Variants in MAN1C1 observed in about 807,000 individuals in gnomAD.
The protein encoded by MAN1C1 is mannosidase alpha class 1C member 1.
In MAN1C1, 49 loss-of-function variants were observed where a neutral mutation model predicts 71.5. The observed-to-expected ratio is 0.69, with a 90% CI of 0.54 to 0.87. The LOEUF is 0.87. Among genes scored for constraint, MAN1C1 ranks in the 40% least tolerant of loss-of-function variants. The pLI is 0.00. For synonymous variants in MAN1C1, 352 were observed against 343.7 expected (o/e 1.02, Z -0.27); for missense variants, 743 against 835.0 (o/e 0.89, Z 1.36).
intron 1 of MAN1C1, among the ~76,000 whole-genome samples, chr1:25,654,669 A>T (rs541717909): frequency 6.8e-4 from 103 of 150,478 alleles, no homozygotes; most frequent in African/African-American, 2.5e-3. Flanking sequence ...TTTTTTTGAG[A>T]TGGAGTCTTG....
intron 1 of MAN1C1, among the ~76,000 whole-genome samples, chr1:25,655,203 A>G (rs2045747928): frequency 6.6e-6 from 1 of 152,128 alleles, no homozygotes; most frequent in African/African-American, 2.4e-5. Context: ...AGTCCTTTCA[A>G]CTTCTCCAGG....
intron 1 of MAN1C1, among the ~76,000 whole-genome samples, chr1:25,682,125 CAAA>C (rs2046163752): frequency 6.6e-6 from 1 of 152,146 alleles, no homozygotes; most frequent in African/African-American, 2.4e-5. Context: ...AACAAACAAA[CAAA>C]GAACAGAGCT....
chr1:25,694,638 G>A (rs1372953490), intron 2 of MAN1C1, among the ~76,000 whole-genome samples: 5 of 152,190 alleles, frequency 3.3e-5, no homozygotes, highest in East Asian at 1.9e-4. Flanking sequence ...ACTTAGTAGT[G>A]CCTTCTGCAA....
intron 1 of MAN1C1, among the ~76,000 whole-genome samples, chr1:25,651,256 CAG>C (rs1444068244): frequency 1.3e-5 from 2 of 152,256 alleles, no homozygotes; most frequent in East Asian, 3.8e-4. Context: ...AGACTCCTGA[CAG>C]TGACCAGCCT....
chr1:25,708,830 G>C (rs1163416640), intron 2 of MAN1C1, among the ~76,000 whole-genome samples: 2 of 152,122 alleles, frequency 1.3e-5, no homozygotes, highest in African/African-American at 4.8e-5. Flanking sequence ...GTTGCAGTGA[G>C]CTGAGATTGC....
At chr1:25,646,143 T>G (rs2045609590) in intron 1 of MAN1C1, 1 of 152,360 alleles carries the variant, frequency 6.6e-6, no homozygotes, top group Non-Finnish European at 1.5e-5. Flanking sequence ...TGCTGGGCAC[T>G]TAGCCTTCTT....
intron 2 of MAN1C1, among the ~76,000 whole-genome samples, chr1:25,706,938 A>C (rs1477917089): frequency 6.6e-6 from 1 of 152,182 alleles, no homozygotes; most frequent in Non-Finnish European, 1.5e-5. Context: ...ACCATCTCCA[A>C]GCAGCAGGGG....
chr1:25,702,969 G>A (rs770235198), intron 2 of MAN1C1, among the ~76,000 whole-genome samples: 13 of 152,310 alleles, frequency 8.5e-5, no homozygotes, highest in East Asian at 1.9e-4. Context: ...GCTGCTCTTC[G>A]CCAGGAGGAA....
intron 6 of MAN1C1, 51 bp downstream of exon 6, chr1:25,758,760 G>A (rs369147991): frequency 1.9e-5 from 29 of 1,513,954 alleles, no homozygotes; most frequent in Admixed American, 8.3e-5. Context: ...ATGAGCGTGC[G>A]GCTGCCACAG....
chr1:25,774,940 A>G (rs2047599989), intron 8 of MAN1C1, among the ~76,000 whole-genome samples: 1 of 152,126 alleles, frequency 6.6e-6, no homozygotes, highest in South Asian at 2.1e-4. Flanking sequence ...TTGTTTTAGA[A>G]AGCCTTGTTT....
intron 1 of MAN1C1, among the ~76,000 whole-genome samples, chr1:25,641,432 A>G (rs1192066449): frequency 1.3e-5 from 2 of 152,226 alleles, no homozygotes; most frequent in Non-Finnish European, 2.9e-5. Flanking sequence ...ACTTAGAGGA[A>G]GAGTTTTCAC....
At chr1:25,659,246 C>T (rs1398373602) in intron 1 of MAN1C1, 1 of 152,242 alleles carries the variant, frequency 6.6e-6, no homozygotes, top group Non-Finnish European at 1.5e-5. Flanking sequence ...GGGTTATCTC[C>T]CCACACTCCC....
chr1:25,753,024 G>A lies in MAN1C1; in HGVS notation c.835-460G>A, dbSNP rs922876017. ...TCCCATGCCCTCTGCCTGTGGTATC[G>A]TAGTCCTGCAGTGTGGGCAGGCATT... On this transcript the variant is annotated intron_variant, in intron 4 of 11. Transcript: ENST00000374332. This position sits in a 1 kb window ranked among gnomAD's most constrained non-coding sequence, Gnocchi z 4.9. Among the ~76,000 whole-genome samples, 5 of 152,196 alleles carry A rather than the reference G, an allele frequency of 3.3e-5. No homozygotes were observed. The highest frequency in any genetic ancestry group is 2.1e-4 in the South Asian group (1 of 4,834).
At chr1:25,678,701 G>A (rs1264603904) in intron 1 of MAN1C1, among the ~76,000 whole-genome samples, 1 of 152,120 alleles carries the variant, frequency 6.6e-6, no homozygotes, top group African/African-American at 2.4e-5. Flanking sequence ...CTAATTATAT[G>A]GGAAGGAGGT....
chr1:25,719,136 G>A (rs1387045384), intron 2 of MAN1C1, among the ~76,000 whole-genome samples: 3 of 148,994 alleles, frequency 2.0e-5, no homozygotes, highest in South Asian at 2.1e-4. Flanking sequence ...GCAGTGGCGC[G>A]ATCTTGGCTG....
intron 1 of MAN1C1, among the ~76,000 whole-genome samples, chr1:25,658,064 G>C (rs918226016): frequency 6.6e-6 from 1 of 152,230 alleles, no homozygotes; most frequent in Non-Finnish European, 1.5e-5. Flanking sequence ...GCCTTGACCT[G>C]TCTGAAGATG....
chr1:25,774,743 G>A (rs1468370219), intron 8 of MAN1C1, among the ~76,000 whole-genome samples: 1 of 152,124 alleles, frequency 6.6e-6, no homozygotes, highest in African/African-American at 2.4e-5. Flanking sequence ...TCAAACCCAG[G>A]CCTCTCGCCA....
chr1:25,740,433 TGTTGTTGTTGTC>T (rs2047045343), intron 2 of MAN1C1, among the ~76,000 whole-genome samples: 1 of 151,868 alleles, frequency 6.6e-6, no homozygotes, highest in Non-Finnish European at 1.5e-5. Flanking sequence ...TTGTTGTTGT[TGTTGTTGTTGTC>T]GTTGTTGTTG....
chr1:25,758,806 C>G, intron 6 of MAN1C1, 97 bp downstream of exon 6: 1 of 1,096,652 alleles, frequency 9.1e-7, no homozygotes, highest in South Asian at 1.3e-5. Context: ...CCTCATGGAT[C>G]AGCAGGAGGG....
Sources: gnomAD v4.1 joint callset for allele counts (sites outside exome capture counted in the v4.1 genomes callset) on GRCh38, gnomAD v4.1.1 for gene constraint, Gnocchi (gnomAD v3.1) non-coding constraint, MANE v1.5 for transcripts, NCBI Gene and HGNC (gene_info 2026-07-23, HGNC 2026-07-21) for gene names.